Variants in ADAM12 observed in about 807,000 individuals in gnomAD.
ADAM12 encodes disintegrin and metalloproteinase domain-containing protein 12.
A neutral mutation model predicts 106.4 loss-of-function variants in ADAM12; 70 were observed. The ratio of observed to expected loss-of-function variants is 0.66; its 90% CI spans 0.54 to 0.80. The LOEUF is 0.80. Ranked by LOEUF, ADAM12 falls within the 30% of genes least tolerant of loss-of-function variation. The pLI is 0.00. For missense variants in ADAM12, 1,010 were observed against 1,171.9 expected (o/e 0.86, Z 2.02); for synonymous variants, 420 against 433.5 (o/e 0.97, Z 0.39).
chr10:126,117,928 C>T, intron 6 of ADAM12, 110 bp downstream of exon 6: 1 of 1,266,320 alleles, frequency 7.9e-7, no homozygotes, highest in Non-Finnish European at 1.1e-6. Context: ...TTCCATCCCC[C>T]AGATGCCGCA....
chr10:126,204,772 T>A (rs767776178), intron 3 of ADAM12, among the ~76,000 whole-genome samples: 3 of 152,216 alleles, frequency 2.0e-5, no homozygotes, highest in Non-Finnish European at 2.9e-5. Context: ...TACGGGCTTA[T>A]CTTACCTACC....
chr10:126,036,859 C>A (rs1954069104), intron 20 of ADAM12, among the ~76,000 whole-genome samples: 1 of 152,158 alleles, frequency 6.6e-6, no homozygotes, highest in Non-Finnish European at 1.5e-5. Context: ...CAGGCTTCTA[C>A]CCCTTCCTTC....
chr10:126,274,391 C>A (rs997413708), intron 3 of ADAM12, among the ~76,000 whole-genome samples: 3 of 152,146 alleles, frequency 2.0e-5, no homozygotes, highest in Non-Finnish European at 2.9e-5. Context: ...TTTTTAGCAG[C>A]CACATTGCCT....
chr10:126,125,078 T>C (rs953151747), intron 5 of ADAM12, among the ~76,000 whole-genome samples: 4 of 151,956 alleles, frequency 2.6e-5, no homozygotes, highest in Non-Finnish European at 5.9e-5. Flanking sequence ...TGCAATCCAA[T>C]GGTTTCTAGC....
chr10:126,191,569 C>T (rs969267493), intron 3 of ADAM12, among the ~76,000 whole-genome samples: 1 of 150,274 alleles, frequency 6.7e-6, no homozygotes, highest in Admixed American at 6.6e-5. Flanking sequence ...AGAGAGGATT[C>T]CTAATGTTCT....
chr10:126,107,993 G>A (rs1565063339), intron 8 of ADAM12, among the ~76,000 whole-genome samples: 1 of 152,162 alleles, frequency 6.6e-6, no homozygotes, highest in African/African-American at 2.4e-5. Flanking sequence ...AGTACCCCAG[G>A]AGTAGGACCT....
chr10:126,145,003 T>C (rs1384170726), intron 4 of ADAM12, among the ~76,000 whole-genome samples: 1 of 152,202 alleles, frequency 6.6e-6, no homozygotes, highest in Non-Finnish European at 1.5e-5. Flanking sequence ...CAGCCTGCCC[T>C]TTCCTGACAA....
chr10:126,128,632 G>A (rs1956246244), intron 5 of ADAM12, among the ~76,000 whole-genome samples: 1 of 151,452 alleles, frequency 6.6e-6, no homozygotes, highest in African/African-American at 2.4e-5. Context: ...GTGCATGTGA[G>A]TGTGTGGTGT....
chr10:126,117,759 G>GGGT (rs1554971261), intron 6 of ADAM12, among the ~76,000 whole-genome samples: 1 of 21,226 alleles, frequency 4.7e-5, no homozygotes, highest in Non-Finnish European at 8.1e-5. Flanking sequence ...GGTAGAAGTT[G>GGGT]GGGGGGCGTA....
intron 22 of ADAM12, among the ~76,000 whole-genome samples, chr10:126,018,705 T>C (rs1422655934): frequency 6.6e-6 from 1 of 152,180 alleles, no homozygotes. Flanking sequence ...GTAAGCTGGC[T>C]CCCCTACACC....
At chr10:126,344,459 T>C (rs1385760194) in intron 1 of ADAM12, among the ~76,000 whole-genome samples, 1 of 152,262 alleles carries the variant, frequency 6.6e-6, no homozygotes, top group Non-Finnish European at 1.5e-5. Context: ...GGTAGTCTGA[T>C]GCCTCCAGTT....
chr10:126,180,015 T>C (rs12256460), intron 3 of ADAM12, among the ~76,000 whole-genome samples: 21,734 of 152,162 alleles, frequency 0.14, 1,709 homozygotes, highest in East Asian at 0.34. Flanking sequence ...CAAAGAAAAC[T>C]ATTATTTAGG....
chr10:126,257,509 C>T (rs1217818985), intron 3 of ADAM12, among the ~76,000 whole-genome samples: 2 of 152,090 alleles, frequency 1.3e-5, no homozygotes, highest in Non-Finnish European at 2.9e-5. Flanking sequence ...CTCAGGTGCA[C>T]GAAAGTGGTC....
At chr10:126,204,444 C>A (rs1319812287) in intron 3 of ADAM12, among the ~76,000 whole-genome samples, 2 of 152,190 alleles carry the variant, frequency 1.3e-5, no homozygotes, top group Non-Finnish European at 2.9e-5. Flanking sequence ...CTCTGGGTGA[C>A]TGTGTCTGTG....
At chr10:126,307,363 C>T (rs755160983) in intron 2 of ADAM12, among the ~76,000 whole-genome samples, 2 of 151,936 alleles carry the variant, frequency 1.3e-5, no homozygotes, top group African/African-American at 2.4e-5. Context: ...TTCCTGCCTG[C>T]CTTTTTTTGA....
At chr10:126,154,524 C>G (rs750601285) in intron 4 of ADAM12, among the ~76,000 whole-genome samples, 1 of 152,138 alleles carries the variant, frequency 6.6e-6, no homozygotes, top group Non-Finnish European at 1.5e-5. Flanking sequence ...AAGCATAAAG[C>G]CTGCCTCAAG....
intron 3 of ADAM12, among the ~76,000 whole-genome samples, chr10:126,245,359 T>C (rs927032688): frequency 2.6e-5 from 4 of 152,112 alleles, no homozygotes; most frequent in African/African-American, 9.7e-5. Context: ...TAAACCTAGA[T>C]GGTGAAAGGA....
chr10:126,319,175 C>T (rs1202017820), intron 2 of ADAM12, among the ~76,000 whole-genome samples: 1 of 152,164 alleles, frequency 6.6e-6, no homozygotes, highest in East Asian at 1.9e-4. Flanking sequence ...ACAAATCTCA[C>T]ATGCATGAGA....
At position 126,206,789 on chromosome 10, in the gene ADAM12, C is replaced by T. The variant is rs140217114; in HGVS notation, c.261-51484G>A. Among the ~76,000 whole-genome samples, 418 of 133,558 alleles carry T rather than the reference C, an allele frequency of 3.1e-3. 1 individual carries two copies. Among genetic ancestry groups the T allele is most frequent in the Middle Eastern group, 5.4e-3 (1 of 184 alleles). The allele number at this position is 133,558 out of a possible 152,430, so 87.6% of individuals were successfully genotyped here. A position where few individuals can be genotyped will look rare whatever the true frequency, so the allele number is the denominator to read the frequency against. Reference sequence around the variant, plus strand: ...CAGGCAGGGAGGAAGGAAAGTGATACGGTTTGGCTGTGTCCCCACCCAAAT... The same window carrying T: ...CAGGCAGGGAGGAAGGAAAGTGATATGGTTTGGCTGTGTCCCCACCCAAAT... On this transcript the variant is annotated intron_variant, in intron 3 of 22. Coordinates refer to ENST00000448723, the MANE Select transcript of ADAM12 (RefSeq NM_001288973.2).
Sources: gnomAD v4.1 joint callset for allele counts (sites outside exome capture counted in the v4.1 genomes callset) on GRCh38, gnomAD v4.1.1 for gene constraint, MANE v1.5 for transcripts, NCBI Gene and HGNC (gene_info 2026-07-23, HGNC 2026-07-21) for gene names.